SELENOI: variants seen among roughly 807,000 people sequenced by gnomAD.
SELENOI encodes the protein selenoprotein I, also known as ethanolaminephosphotransferase 1.
Under a neutral mutation model 50.7 loss-of-function variants are expected in SELENOI, and 24 were observed. The ratio of observed to expected loss-of-function variants is 0.47; its 90% CI spans 0.34 to 0.67. The LOEUF (loss-of-function observed/expected upper bound fraction) is 0.67. SELENOI is among the 30% of genes least tolerant of loss of function. The pLI is 0.01. For missense variants in SELENOI, 352 were observed against 461.4 expected, an observed-to-expected ratio of 0.76 and a Z score of 2.17; for synonymous variants, 155 against 170.2, an observed-to-expected ratio of 0.91 and a Z score of 0.70.
At chr2:26,381,384 C>A (rs1677698543) in intron 6 of SELENOI, among the ~76,000 whole-genome samples, 1 of 151,598 alleles carries the variant, frequency 6.6e-6, no homozygotes, top group Non-Finnish European at 1.5e-5. Flanking sequence ...AAGTATTTAA[C>A]AATTAAGTAC....
At chr2:26,358,138 C>T (rs570001315) in intron 1 of SELENOI, among the ~76,000 whole-genome samples, 26 of 152,284 alleles carry the variant, frequency 1.7e-4, no homozygotes, top group African/African-American at 6.3e-4. Context: ...CGCAGTGGCT[C>T]ACGCCTGCAA....
chr2:26,385,082 A>G lies in SELENOI; in HGVS notation c.855A>G (p.Leu285=), dbSNP rs1233770203. 1 of 1,612,654 alleles carries G rather than the reference A, an allele frequency of 6.2e-7. No homozygotes were observed. The highest frequency in any genetic ancestry group is 1.3e-5 in the African/African-American group (1 of 74,904). ...TCCTTTGGTCACCTTCAGATATTTT[A>G]GAGCTACATCCTAGAGTATTCTACT... is the stretch of plus-strand genomic sequence containing the variant. The part of the protein sequence containing the change: ...AWILWSPSDI[L]ELHPRVFYFM... The change falls in exon 8 of 10, where the codon TTA becomes TTG. Residue 285 remains leucine, a synonymous_variant. Transcript: ENST00000260585.
At chr2:26,367,104 G>C (rs1230149635) in intron 3 of SELENOI, 42 bp from the exon 4 acceptor site, 2 of 1,547,684 alleles carry the variant, frequency 1.3e-6, no homozygotes, top group East Asian at 4.6e-5. Context: ...AAGAACTACT[G>C]TACTTAAACT....
At chr2:26,371,992 T>C (rs1450176770) in intron 4 of SELENOI, among the ~76,000 whole-genome samples, 1 of 152,242 alleles carries the variant, frequency 6.6e-6, no homozygotes, top group Admixed American at 6.5e-5. Context: ...TGTCCTCTAC[T>C]CAGATTTCAC....
At chr2:26,375,290 A>G in intron 6 of SELENOI, 142 bp downstream of exon 6, 1 of 534,896 alleles carries the variant, frequency 1.9e-6, no homozygotes, top group Non-Finnish European at 3.3e-6. Flanking sequence ...GTAGGATTTC[A>G]GCCTAACCAT....
intron 1 of SELENOI, among the ~76,000 whole-genome samples, chr2:26,348,854 G>T (rs969376779): frequency 6.6e-6 from 1 of 151,702 alleles, no homozygotes; most frequent in African/African-American, 2.4e-5. Flanking sequence ...TATTGAAAGG[G>T]TGCTTTTGTA....
At chr2:26,366,310 T>C (rs1677286282) in intron 3 of SELENOI, among the ~76,000 whole-genome samples, 1 of 152,174 alleles carries the variant, frequency 6.6e-6, no homozygotes, top group African/African-American at 2.4e-5. Context: ...TGTGGGTTTT[T>C]AAAAATTTAT....
chr2:26,361,225 G>A (rs987112594), intron 1 of SELENOI, among the ~76,000 whole-genome samples: 1 of 152,134 alleles, frequency 6.6e-6, no homozygotes, highest in African/African-American at 2.4e-5. Flanking sequence ...AAAAGTATAT[G>A]GGAGGATGTG....
chr2:26,384,921 T>C (rs773088707), intron 7 of SELENOI, 38 bp from the exon 8 acceptor site: 83 of 1,463,482 alleles, frequency 5.7e-5, no homozygotes, highest in Non-Finnish European at 7.5e-5. Flanking sequence ...AATTTATATG[T>C]AATAATGTTC....
intron 1 of SELENOI, 188 bp downstream of exon 1, chr2:26,346,477 C>T: frequency 1.7e-6 from 1 of 595,040 alleles, no homozygotes; most frequent in Non-Finnish European, 2.7e-6. Flanking sequence ...CTAAGCCCGC[C>T]GCCCGTAGTC....
chr2:26,356,990 C>G (rs995203190), intron 1 of SELENOI, among the ~76,000 whole-genome samples: 1 of 152,046 alleles, frequency 6.6e-6, no homozygotes, highest in Non-Finnish European at 1.5e-5. Flanking sequence ...TACAGTCTTT[C>G]GTTTTCTCTC....
intron 1 of SELENOI, among the ~76,000 whole-genome samples, chr2:26,351,054 T>G (rs13431406): frequency 0.094 from 12,397 of 132,080 alleles, 1,460 homozygotes; most frequent in African/African-American, 0.28. Context: ...ACTGTTTGTT[T>G]GTTTTTTTTT....
At position 26,390,131 on chromosome 2, in the gene SELENOI, T is replaced by C. The variant is rs752665651; in HGVS notation, c.*1028T>C. 5 of 149,976 alleles carry C rather than the reference T, an allele frequency of 3.3e-5. No homozygotes were observed. Among genetic ancestry groups the C allele is most frequent in the Non-Finnish European group, 7.4e-5 (5 of 67,664 alleles). The allele number at this position is 149,976 out of a possible 1,614,324, so 9.3% of individuals were successfully genotyped here. ...TTCTCCAGCTTGTCCATTTCCCCAC[T>C]TGAAGAAAACTTTTGATATATATGC... On this transcript the variant is annotated 3_prime_UTR_variant, in exon 10 of 10. Transcript: ENST00000260585.
intron 4 of SELENOI, among the ~76,000 whole-genome samples, chr2:26,371,058 A>G (rs1453120880): frequency 7.2e-6 from 1 of 138,532 alleles, no homozygotes; most frequent in Non-Finnish European, 1.6e-5. Context: ...GCGGCCGGGC[A>G]GAGGCGCCCC....
rs747998678 is a variant in SELENOI, at chr2:26,364,321, A to G, written c.77A>G (p.Asn26Ser). 7.2e-5 allele frequency: 112 copies of G among 1,559,500 alleles called. No individual in the cohort carries two copies. The East Asian group carries it at 2.4e-3, about 34-fold the overall frequency. ...DKYKYSAVDT[N>S]PLSLYVMHPF... Reference sequence around the variant, plus strand: ...TAACAGTACAGTGCTGTGGATACCAATCCACTTTCTCTGTATGTCATGCAT... The same window carrying G: ...TAACAGTACAGTGCTGTGGATACCAGTCCACTTTCTCTGTATGTCATGCAT... The change falls in exon 2 of 10, where the codon AAT becomes AGT. Residue 26 changes from asparagine (N) to serine (S), a missense_variant. Transcript: ENST00000260585.
At position 26,367,174 on chromosome 2, in the gene SELENOI, G is replaced by C. The variant is rs1364475256; in HGVS notation, c.264G>C (p.Trp88Cys). 18 of 1,611,026 alleles carry C rather than the reference G, an allele frequency of 1.1e-5. No homozygotes were observed. The highest frequency in any genetic ancestry group is 1.5e-5 in the Non-Finnish European group (18 of 1,178,672). The change falls in exon 4 of 10, where the codon TGG becomes TGC. Residue 88 changes from tryptophan to cysteine, a missense_variant. Physicochemically the swap from Trp to Cys is radical, Grantham distance 215. Coordinates refer to ENST00000260585, the MANE Select transcript of SELENOI (RefSeq NM_033505.4). ...SAPGHKHVPD[W>C]VWIVVGILNF... ...CAGGTCACAAGCACGTGCCTGACTG[G>C]GTTTGGATTGTAGTGGGCATCCTCA...
chr2:26,388,552 AAGCTCT>A (rs1677896513), intron 9 of SELENOI, among the ~76,000 whole-genome samples: 1 of 152,164 alleles, frequency 6.6e-6, no homozygotes, highest in African/African-American at 2.4e-5. Flanking sequence ...ACCTATAACT[AAGCTCT>A]TGCCTTCCCA....
At chr2:26,355,658 C>T (rs538277741) in intron 1 of SELENOI, among the ~76,000 whole-genome samples, 9 of 151,514 alleles carry the variant, frequency 5.9e-5, no homozygotes, top group Admixed American at 4.0e-4. Context: ...TAGATGTAAA[C>T]GACGGTATTC....
chr2:26,370,901 C>T (rs1427036687), intron 4 of SELENOI, among the ~76,000 whole-genome samples: 136 of 129,936 alleles, frequency 1.0e-3, no homozygotes, highest in Non-Finnish European at 1.5e-3. Context: ...ACCTCCCTCC[C>T]GGACGGGGCG....
Sources: gnomAD v4.1 joint callset for allele counts (sites outside exome capture counted in the v4.1 genomes callset) on GRCh38, gnomAD v4.1.1 for gene constraint, MANE v1.5 for transcripts, NCBI Gene and HGNC (gene_info 2026-07-23, HGNC 2026-07-21) for gene names.